The following JAK1 variants were observed in gnomAD, a reference collection of about 807,000 sequenced individuals.
JAK1 encodes the protein Janus kinase 1.
JAK1 carries 16 observed loss-of-function variants against 136.6 expected under a neutral mutation model. The ratio of observed to expected loss-of-function variants is 0.12; its 90% CI spans 0.08 to 0.18. JAK1 has a LOEUF of 0.18. Ranked by LOEUF, JAK1 falls within the 10% of genes least tolerant of loss-of-function variation. JAK1 has a pLI of 1.00. For missense variants in JAK1, 859 were observed against 1,450.1 expected (o/e 0.59, Z 6.62); for synonymous variants, 492 against 519.5 (o/e 0.95, Z 0.72).
At chr1:64,894,588 G>A (rs530346876) in intron 1 of JAK1, among the ~76,000 whole-genome samples, 28 of 152,014 alleles carry the variant, frequency 1.8e-4, no homozygotes, top group Admixed American at 2.0e-4. Context: ...GTGAAACCCC[G>A]TCTCTACTAA....
intron 3 of JAK1, among the ~76,000 whole-genome samples, chr1:64,880,925 A>G (rs1399528606): frequency 6.6e-6 from 1 of 152,108 alleles, no homozygotes; most frequent in African/African-American, 2.4e-5. Context: ...CCTAGGTGAC[A>G]GAGAAAGACT....
intron 1 of JAK1, among the ~76,000 whole-genome samples, chr1:64,900,451 T>G (rs993403033): frequency 6.6e-6 from 1 of 152,094 alleles, no homozygotes; most frequent in Non-Finnish European, 1.5e-5. Context: ...AAGCATTTCA[T>G]GAAGAGAAGA....
chr1:65,038,827 C>T (rs543735792), intron 2 of JAK1, among the ~76,000 whole-genome samples: 3 of 152,088 alleles, frequency 2.0e-5, no homozygotes, highest in Non-Finnish European at 2.9e-5. Context: ...TTAGTAGAGA[C>T]GGGTTTTGCC....
At chr1:64,943,751 T>C (rs925145441) in intron 1 of JAK1, among the ~76,000 whole-genome samples, 1 of 152,010 alleles carries the variant, frequency 6.6e-6, no homozygotes, top group African/African-American at 2.4e-5. Context: ...CAAAAGGTTC[T>C]TAATATATAA....
intron 1 of JAK1, among the ~76,000 whole-genome samples, chr1:65,047,213 A>T (rs1045919724): frequency 6.6e-6 from 1 of 152,062 alleles, no homozygotes; most frequent in Admixed American, 6.5e-5. Context: ...CTAACCATAC[A>T]GTGGGGGAAA....
At chr1:64,846,283 G>C (rs1170184686) in intron 14 of JAK1, among the ~76,000 whole-genome samples, 1 of 152,056 alleles carries the variant, frequency 6.6e-6, no homozygotes, top group Non-Finnish European at 1.5e-5. Context: ...GTCCATTCGA[G>C]GAGCCAGCGT....
At chr1:65,056,051 C>T (rs896712262) in intron 1 of JAK1, among the ~76,000 whole-genome samples, 2 of 152,198 alleles carry the variant, frequency 1.3e-5, no homozygotes, top group Non-Finnish European at 2.9e-5. Context: ...TTTCCACCTG[C>T]TCAAACACTA....
At chr1:65,041,527 T>C (rs1647132522) in intron 2 of JAK1, among the ~76,000 whole-genome samples, 1 of 152,160 alleles carries the variant, frequency 6.6e-6, no homozygotes, top group African/African-American at 2.4e-5. Context: ...TGTCGTCTCC[T>C]ACCTGATGGC....
intron 1 of JAK1, among the ~76,000 whole-genome samples, chr1:64,933,365 T>G (rs551940344): frequency 1.3e-5 from 2 of 152,340 alleles, no homozygotes; most frequent in East Asian, 3.9e-4. Flanking sequence ...AGCGAAACTA[T>G]TCATGAGTGT....
At chr1:64,961,006 C>A (rs1646274259) in intron 1 of JAK1, among the ~76,000 whole-genome samples, 1 of 152,176 alleles carries the variant, frequency 6.6e-6, no homozygotes, top group Admixed American at 6.5e-5. Context: ...TTCTCCTTGT[C>A]ATAAACCAGT....
intron 2 of JAK1, chr1:64,991,697 T>G (rs755183932): frequency 6.6e-6 from 1 of 152,192 alleles, no homozygotes; most frequent in Non-Finnish European, 1.5e-5. Context: ...CCAAAGAATC[T>G]ACAAGAAACC....
intron 1 of JAK1, among the ~76,000 whole-genome samples, chr1:64,955,334 A>G (rs1324265058): frequency 6.6e-6 from 1 of 152,198 alleles, no homozygotes; most frequent in African/African-American, 2.4e-5. Context: ...GTGTATACAC[A>G]CCGCTTGTTG....
intron 1 of JAK1, among the ~76,000 whole-genome samples, chr1:64,947,367 T>G (rs560435580): frequency 6.6e-6 from 1 of 152,328 alleles, no homozygotes; most frequent in East Asian, 1.9e-4. Flanking sequence ...ATGCCTGCAC[T>G]GTCCACCTTC....
intron 2 of JAK1, among the ~76,000 whole-genome samples, chr1:65,034,151 G>C (rs1286415111): frequency 6.6e-6 from 1 of 152,188 alleles, no homozygotes; most frequent in Admixed American, 6.5e-5. Context: ...CGTGGGTAGA[G>C]ACATAAAGAT....
At chr1:64,942,334 A>C (rs1350324943) in intron 1 of JAK1, 1 of 152,236 alleles carries the variant, frequency 6.6e-6, no homozygotes, top group East Asian at 1.9e-4. Flanking sequence ...ACTCAAGGAC[A>C]ATACATGACA....
chr1:64,897,786 T>C (rs1645046377), intron 1 of JAK1, among the ~76,000 whole-genome samples: 1 of 151,862 alleles, frequency 6.6e-6, no homozygotes, highest in East Asian at 1.9e-4. Context: ...AAGTCCCCAG[T>C]ATGTGAAGGT....
chr1:64,944,836 A>C (rs924092941), intron 1 of JAK1, among the ~76,000 whole-genome samples: 7 of 148,292 alleles, frequency 4.7e-5, no homozygotes, highest in African/African-American at 1.2e-4. Context: ...CTGGATTCTA[A>C]GTCTTCAATA....
upstream of JAK1, among the ~76,000 whole-genome samples, chr1:64,966,664 G>A (rs1468202633): frequency 6.7e-6 from 1 of 148,510 alleles, no homozygotes. Flanking sequence ...GCGGGGTCGC[G>A]GTCCCGGCGG....
intron 2 of JAK1, among the ~76,000 whole-genome samples, chr1:64,885,383 T>C (rs890230053): frequency 4.6e-5 from 7 of 152,218 alleles, no homozygotes; most frequent in African/African-American, 9.6e-5. Flanking sequence ...AAGACAGTGT[T>C]GCACCCTCTA....
Sources: allele counts gnomAD v4.1 joint callset (sites outside exome capture counted in the v4.1 genomes callset), GRCh38; gene constraint gnomAD v4.1.1; transcripts MANE v1.5; gene names NCBI Gene and HGNC (gene_info 2026-07-23, HGNC 2026-07-21).